Variants in ALKBH8 observed in about 807,000 individuals in gnomAD.
The protein encoded by ALKBH8 is tRNA (carboxymethyluridine(34)-5-O)-methyltransferase ALKBH8.
Under a neutral mutation model 59.8 loss-of-function variants are expected in ALKBH8, and 36 were observed. The observed-to-expected ratio is 0.60, with a 90% CI of 0.46 to 0.79. The LOEUF (loss-of-function observed/expected upper bound fraction) is 0.79. Among genes scored for constraint, ALKBH8 ranks in the 30% least tolerant of loss-of-function variants. The pLI is 0.00. For missense variants in ALKBH8, 768 were observed against 801.0 expected, an observed-to-expected ratio of 0.96 and a Z score of 0.50; for synonymous variants, 276 against 273.6, an observed-to-expected ratio of 1.01 and a Z score of -0.09.
intron 2 of ALKBH8, among the ~76,000 whole-genome samples, chr11:107,558,496 A>C (rs1026359830): frequency 2.0e-5 from 3 of 152,174 alleles, no homozygotes; most frequent in African/African-American, 7.2e-5. Context: ...TCTATGGAAG[A>C]GCAAAGGTTT....
At chr11:107,522,221 G>T (rs1863141635) in intron 10 of ALKBH8, 78 bp downstream of exon 10, 5 of 1,469,850 alleles carry the variant, frequency 3.4e-6, no homozygotes, top group Admixed American at 2.3e-5. Flanking sequence ...AAAAAAACAG[G>T]ATTATATCAT....
intron 3 of ALKBH8, among the ~76,000 whole-genome samples, chr11:107,556,292 A>T (rs987645160): frequency 6.6e-6 from 1 of 150,784 alleles, no homozygotes; most frequent in Non-Finnish European, 1.5e-5. Context: ...AAGCAAAAAA[A>T]TAAATAAATA....
chr11:107,546,175 A>G (rs1467567456), intron 7 of ALKBH8, among the ~76,000 whole-genome samples: 1 of 152,196 alleles, frequency 6.6e-6, no homozygotes, highest in Non-Finnish European at 1.5e-5. Flanking sequence ...GTCCTAATCA[A>G]AAGTTTTCTT....
chr11:107,554,820 G>A (rs1193252533), intron 3 of ALKBH8, among the ~76,000 whole-genome samples: 2 of 152,148 alleles, frequency 1.3e-5, no homozygotes, highest in Non-Finnish European at 2.9e-5. Flanking sequence ...GGAAAACTTT[G>A]CAAAGAATTC....
intron 5 of ALKBH8, among the ~76,000 whole-genome samples, chr11:107,552,867 T>C (rs1325321945): frequency 3.3e-5 from 5 of 152,150 alleles, no homozygotes; most frequent in Non-Finnish European, 5.9e-5. Context: ...CTATTATGGA[T>C]CATTCAGTAA....
chr11:107,517,094 A>G (rs1283988385), intron 10 of ALKBH8, among the ~76,000 whole-genome samples: 1 of 152,212 alleles, frequency 6.6e-6, no homozygotes, highest in East Asian at 1.9e-4. Context: ...TATGGCAACA[A>G]AACAGATAAT....
chr11:107,529,723 T>G (rs1863503588), intron 8 of ALKBH8, among the ~76,000 whole-genome samples: 1 of 151,542 alleles, frequency 6.6e-6, no homozygotes, highest in Admixed American at 6.6e-5. Flanking sequence ...CAGTCTGGTC[T>G]CGGACTCCTG....
intron 3 of ALKBH8, among the ~76,000 whole-genome samples, chr11:107,555,620 TA>T (rs1326382744): frequency 1.3e-5 from 2 of 152,198 alleles, no homozygotes; most frequent in Non-Finnish European, 2.9e-5. Context: ...TTCTAAAATA[TA>T]CCTTTAAAAG....
chr11:107,521,018 T>C (rs1398690494), intron 10 of ALKBH8, among the ~76,000 whole-genome samples: 1 of 152,196 alleles, frequency 6.6e-6, no homozygotes, highest in Non-Finnish European at 1.5e-5. Flanking sequence ...AAGTAATCTA[T>C]AGATAATTTT....
At chr11:107,547,072 T>C (rs1864290734) in intron 7 of ALKBH8, among the ~76,000 whole-genome samples, 1 of 152,192 alleles carries the variant, frequency 6.6e-6, no homozygotes, top group African/African-American at 2.4e-5. Flanking sequence ...TCTTTGACAT[T>C]ATATTTAAGC....
At position 107,511,338 on chromosome 11, in the gene ALKBH8, T is replaced by C. The variant is rs183363122; in HGVS notation, c.1288-302A>G. Among the ~76,000 whole-genome samples the C allele has an allele frequency of 6.0e-4, 92 of 152,286 alleles. 1 individual carries two copies. In the East Asian group the frequency reaches 0.015, roughly 26 times the overall value. ...AAATATACAGCTAATTGATGACCATTCTGAATCTGGATGTTTCTGTAATAT... is the reference window on the plus strand; with the variant it reads ...AAATATACAGCTAATTGATGACCATCCTGAATCTGGATGTTTCTGTAATAT... On this transcript the variant is annotated intron_variant, in intron 10 of 11. Coordinates refer to ENST00000428149, the MANE Select transcript of ALKBH8 (RefSeq NM_138775.3).
intron 7 of ALKBH8, among the ~76,000 whole-genome samples, chr11:107,541,983 A>G (rs66895149): frequency 0.098 from 14,966 of 152,248 alleles, 963 homozygotes; most frequent in Middle Eastern, 0.16. Context: ...TCAATGAATG[A>G]GCTTAACAGC....
intron 10 of ALKBH8, among the ~76,000 whole-genome samples, chr11:107,521,784 T>C (rs1274321328): frequency 2.0e-5 from 3 of 152,126 alleles, no homozygotes; most frequent in African/African-American, 7.2e-5. Context: ...AGACTTCCTT[T>C]CCTCAACAGT....
chr11:107,558,490 T>C (rs915573745), intron 2 of ALKBH8, among the ~76,000 whole-genome samples: 1 of 152,156 alleles, frequency 6.6e-6, no homozygotes, highest in Admixed American at 6.5e-5. Context: ...CCTAAATCTA[T>C]GGAAGAGCAA....
chr11:107,564,939 C>G (rs1389152254), intron 1 of ALKBH8, among the ~76,000 whole-genome samples: 1 of 152,198 alleles, frequency 6.6e-6, no homozygotes, highest in African/African-American at 2.4e-5. Flanking sequence ...TCCTAAACCT[C>G]CCCTCCTCCA....
chr11:107,556,861 T>A lies in ALKBH8; in HGVS notation c.272A>T (p.Glu91Val). The A allele has an allele frequency of 6.2e-7, 1 of 1,603,290 alleles. No homozygotes were observed. Among genetic ancestry groups the A allele is most frequent in the South Asian group, 1.1e-5 (1 of 89,300 alleles). The part of the protein sequence containing the change: ...PYSFARYRTT[E>V]ESKRAYVTLN... Reference sequence around the variant, plus strand: ...GGTAACATAGGCTCTCTTAGATTCTTCTGTAGTTCTGTATCTTGCAAATGA... The same window carrying A: ...GGTAACATAGGCTCTCTTAGATTCTACTGTAGTTCTGTATCTTGCAAATGA... The change falls in exon 3 of 12, where the codon GAA becomes GTA. Residue 91 changes from glutamate (E) to valine (V), a missense_variant. Transcript: ENST00000428149.
In ALKBH8 at chr11:107,553,918, AT is replaced by A. The variant is rs1397857337; in HGVS notation, c.427del (p.Ile143Ter). The stretch of plus-strand genomic sequence containing the variant: ...CATTTTCTCCTCCTCAGAAGAAATT[AT>A]TTCTTCTACTACCATGAGTCCTGGT... ...LPPGLMVVEE[I>X]ISSEEEKMLL... On this transcript the variant is annotated frameshift_variant, in exon 4 of 12. Coordinates refer to ENST00000428149, the MANE Select transcript of ALKBH8 (RefSeq NM_138775.3). LOFTEE classifies it high-confidence loss of function. 1.1e-5 allele frequency: 18 copies of A among 1,613,764 alleles called. No homozygotes were observed. The highest frequency in any genetic ancestry group is 1.5e-5 in the Non-Finnish European group (18 of 1,179,806).
At chr11:107,514,153 T>G (rs1591253003) in intron 10 of ALKBH8, among the ~76,000 whole-genome samples, 2 of 152,194 alleles carry the variant, frequency 1.3e-5, no homozygotes, top group Admixed American at 6.5e-5. Flanking sequence ...GAATGTAATA[T>G]TGTCTCTGAT....
chr11:107,513,627 C>T (rs1003589177), intron 10 of ALKBH8, among the ~76,000 whole-genome samples: 4 of 152,144 alleles, frequency 2.6e-5, no homozygotes, highest in African/African-American at 9.7e-5. Context: ...ATAGTAATGA[C>T]ATGGAATCAA....
Sources: gnomAD v4.1 joint callset for allele counts (sites outside exome capture counted in the v4.1 genomes callset) on GRCh38, gnomAD v4.1.1 for gene constraint, MANE v1.5 for transcripts, NCBI Gene and HGNC (gene_info 2026-07-23, HGNC 2026-07-21) for gene names.